The following UBE2D2 variants were observed in gnomAD, a reference collection of about 807,000 sequenced individuals.
UBE2D2 encodes ubiquitin-conjugating enzyme E2 D2.
A neutral mutation model predicts 24.2 loss-of-function variants in UBE2D2; 2 were observed. That is an observed-to-expected ratio of 0.08 (90% CI 0.03 to 0.26). The LOEUF (loss-of-function observed/expected upper bound fraction) is 0.26, where lower values mean the gene tolerates loss of function less well. Ranked by LOEUF, UBE2D2 falls within the 10% of genes least tolerant of loss-of-function variation. The pLI is 1.00. For missense variants in UBE2D2, 44 were observed against 177.6 expected (o/e 0.25, Z 4.28); for synonymous variants, 58 against 56.5 (o/e 1.03, Z -0.12).
intron 1 of UBE2D2, among the ~76,000 whole-genome samples, chr5:139,566,673 TCAAA>T (rs572146164): frequency 5.3e-5 from 8 of 151,984 alleles, no homozygotes; most frequent in African/African-American, 7.3e-5. Flanking sequence ...AGACCCTGTC[TCAAA>T]CAAACAAACA....
chr5:139,572,511 G>T (rs983488435), intron 1 of UBE2D2, among the ~76,000 whole-genome samples: 1 of 151,974 alleles, frequency 6.6e-6, no homozygotes, highest in African/African-American at 2.4e-5. Flanking sequence ...CAGGAGGATC[G>T]CTTGAGCCCA....
intron 2 of UBE2D2, among the ~76,000 whole-genome samples, chr5:139,605,591 C>CAAA (rs70988710): frequency 5.6e-4 from 25 of 44,690 alleles, no homozygotes; most frequent in East Asian, 2.4e-3. Flanking sequence ...GACTCTGTCT[C>CAAA]AAAAAAAAAA....
At chr5:139,596,582 G>A (rs1371420298) in intron 1 of UBE2D2, among the ~76,000 whole-genome samples, 1 of 151,618 alleles carries the variant, frequency 6.6e-6, no homozygotes, top group Non-Finnish European at 1.5e-5. Flanking sequence ...GTGAGCTACC[G>A]TGCCCAGCCC....
intron 1 of UBE2D2, among the ~76,000 whole-genome samples, chr5:139,580,178 C>T (rs1170988665): frequency 6.6e-6 from 1 of 152,154 alleles, no homozygotes; most frequent in South Asian, 2.1e-4. Flanking sequence ...ACTGCAGCCT[C>T]AACTTCCTGG....
intron 2 of UBE2D2, among the ~76,000 whole-genome samples, chr5:139,604,621 A>G (rs966767000): frequency 2.0e-5 from 3 of 152,218 alleles, no homozygotes; most frequent in Non-Finnish European, 4.4e-5. Context: ...ACAGTGGCTC[A>G]TGCCTGTAAT....
At chr5:139,626,218 G>A (rs1368806253) in intron 6 of UBE2D2, among the ~76,000 whole-genome samples, 4 of 151,884 alleles carry the variant, frequency 2.6e-5, no homozygotes, top group Non-Finnish European at 4.4e-5. Context: ...ATAGTCATGC[G>A]CCACCACACC....
chr5:139,626,393 G>A (rs531781869), intron 6 of UBE2D2, among the ~76,000 whole-genome samples: 5 of 152,236 alleles, frequency 3.3e-5, no homozygotes, highest in South Asian at 2.1e-4. Context: ...ATCATTATTA[G>A]TATATGAGTT....
chr5:139,599,406 T>A (rs1351807961), intron 1 of UBE2D2, among the ~76,000 whole-genome samples: 1 of 148,964 alleles, frequency 6.7e-6, no homozygotes, highest in Non-Finnish European at 1.5e-5. Context: ...TGGCCTTAAA[T>A]TTTTTTTTTG....
chr5:139,550,353 T>A (rs1752894126), intron 1 of UBE2D2, among the ~76,000 whole-genome samples: 1 of 152,190 alleles, frequency 6.6e-6, no homozygotes. Context: ...ACACTCTGCG[T>A]CTAGCTCAGG....
At chr5:139,559,407 C>T (rs1157355498), upstream of UBE2D2, among the ~76,000 whole-genome samples, 2 of 148,154 alleles carry the variant, frequency 1.3e-5, no homozygotes, top group African/African-American at 5.0e-5. Flanking sequence ...GCCTGGGCGA[C>T]AGAGTGAGAC....
At chr5:139,607,140 C>T (rs1045877172) in intron 2 of UBE2D2, among the ~76,000 whole-genome samples, 1 of 152,174 alleles carries the variant, frequency 6.6e-6, no homozygotes, top group African/African-American at 2.4e-5. Context: ...TAATGTGAGG[C>T]AGGTTTGGTA....
At chr5:139,566,034 T>C (rs1349140102) in intron 1 of UBE2D2, among the ~76,000 whole-genome samples, 3 of 150,390 alleles carry the variant, frequency 2.0e-5, no homozygotes, top group Non-Finnish European at 4.5e-5. Flanking sequence ...TTTCTTTCTT[T>C]TTTTTTTTTT....
At chr5:139,582,048 T>C (rs571448965) in intron 1 of UBE2D2, among the ~76,000 whole-genome samples, 1 of 151,544 alleles carries the variant, frequency 6.6e-6, no homozygotes, top group Admixed American at 6.6e-5. Context: ...TGCGATGCAA[T>C]AGTGTGATCA....
intron 1 of UBE2D2, among the ~76,000 whole-genome samples, chr5:139,555,852 G>C (rs543613891): frequency 8.1e-5 from 12 of 148,074 alleles, no homozygotes; most frequent in African/African-American, 3.0e-4. Flanking sequence ...CTTGAACCCG[G>C]GAGGCAGAGG....
chr5:139,605,642 A>ATTTAATG (rs1315937945), intron 2 of UBE2D2, among the ~76,000 whole-genome samples: 5 of 149,986 alleles, frequency 3.3e-5, no homozygotes, highest in Non-Finnish European at 5.9e-5. Context: ...TAAGCTGAAG[A>ATTTAATG]TTTAATGGCC....
chr5:139,573,190 T>C (rs1304032706), intron 1 of UBE2D2, among the ~76,000 whole-genome samples: 2 of 151,004 alleles, frequency 1.3e-5, no homozygotes, highest in African/African-American at 4.9e-5. Context: ...TAGTCCCAGC[T>C]ACTCAGGAGG....
At chr5:139,526,366 G>T (rs1027815635), upstream of UBE2D2, 36 of 152,230 alleles carry the variant, frequency 2.4e-4, no homozygotes, top group African/African-American at 8.7e-4. Context: ...TCCCTGACCG[G>T]GAAGCAAGGT....
chr5:139,557,953 A>G (rs940423467), upstream of UBE2D2, among the ~76,000 whole-genome samples: 3 of 152,124 alleles, frequency 2.0e-5, no homozygotes, highest in Non-Finnish European at 4.4e-5. Flanking sequence ...AATAAAAATT[A>G]GCCAGGCATG....
At chr5:139,572,808 G>T (rs1229841839) in intron 1 of UBE2D2, among the ~76,000 whole-genome samples, 1 of 151,746 alleles carries the variant, frequency 6.6e-6, no homozygotes, top group African/African-American at 2.4e-5. Context: ...GCACCACCGT[G>T]CCTGGCTGAT....
Sources: gnomAD v4.1 joint callset for allele counts (sites outside exome capture counted in the v4.1 genomes callset) on GRCh38, gnomAD v4.1.1 for gene constraint, MANE v1.5 for transcripts, NCBI Gene and HGNC (gene_info 2026-07-23, HGNC 2026-07-21) for gene names.